The following CLVS1 variants were observed in gnomAD, a reference collection of about 807,000 sequenced individuals.
CLVS1 encodes the protein clavesin 1.
A neutral mutation model predicts 33.1 loss-of-function variants in CLVS1; 10 were observed. That is an observed-to-expected ratio of 0.30 (90% CI 0.19 to 0.51). The LOEUF (loss-of-function observed/expected upper bound fraction) is 0.51, where lower values mean the gene tolerates loss of function less well. Among genes scored for constraint, CLVS1 ranks in the 20% least tolerant of loss-of-function variants. CLVS1 has a pLI of 0.97. For synonymous variants in CLVS1, 163 were observed against 166.1 expected, an observed-to-expected ratio of 0.98 and a Z score of 0.14; for missense variants, 343 against 433.4, an observed-to-expected ratio of 0.79 and a Z score of 1.85.
upstream of CLVS1, among the ~76,000 whole-genome samples, chr8:61,052,430 G>A (rs1266734245): frequency 2.0e-5 from 3 of 152,320 alleles, no homozygotes; most frequent in African/African-American, 7.2e-5. Flanking sequence ...TGCAGGGTTA[G>A]ACAGGGAAAT....
chr8:61,233,463 C>T (rs897108891), intron 2 of CLVS1, among the ~76,000 whole-genome samples: 15 of 146,536 alleles, frequency 1.0e-4, no homozygotes, highest in Non-Finnish European at 1.5e-5. Flanking sequence ...AGAAAGAACC[C>T]GTAGCTTTTT....
intron 2 of CLVS1, among the ~76,000 whole-genome samples, chr8:61,356,591 A>G (rs931685154): frequency 1.3e-5 from 2 of 151,874 alleles, no homozygotes; most frequent in Admixed American, 6.6e-5. Flanking sequence ...TAATTTTTGT[A>G]TAAGGTGTAA....
chr8:61,051,825 C>T, the CLVS1 span, among the ~76,000 whole-genome samples: 1 of 152,272 alleles, frequency 6.6e-6, no homozygotes, highest in African/African-American at 2.4e-5. Context: ...CCCCCAACTG[C>T]AGCTGCCAGG....
At chr8:61,122,000 C>T (rs768563984) in intron 1 of CLVS1, among the ~76,000 whole-genome samples, 9 of 152,186 alleles carry the variant, frequency 5.9e-5, no homozygotes, top group Non-Finnish European at 1.2e-4. Context: ...AATCCACTGG[C>T]GCATTACAAT....
chr8:61,009,797 C>T, the CLVS1 span, among the ~76,000 whole-genome samples: 10 of 152,180 alleles, frequency 6.6e-5, no homozygotes, highest in Non-Finnish European at 1.0e-4. Context: ...TGTGTTTCAA[C>T]GCTGGCTTGT....
At chr8:61,349,583 T>G (rs1812364238) in intron 2 of CLVS1, among the ~76,000 whole-genome samples, 1 of 152,038 alleles carries the variant, frequency 6.6e-6, no homozygotes, top group African/African-American at 2.4e-5. Flanking sequence ...GTTTTTTTGT[T>G]TTTGTTTTTT....
At chr8:61,174,993 T>G (rs530442666) in intron 2 of CLVS1, among the ~76,000 whole-genome samples, 3 of 107,150 alleles carry the variant, frequency 2.8e-5, no homozygotes, top group East Asian at 4.6e-4. Context: ...TATTATCTTA[T>G]GTTTGAATTT....
chr8:61,330,059 C>G (rs931564246), intron 2 of CLVS1, among the ~76,000 whole-genome samples: 4 of 152,116 alleles, frequency 2.6e-5, no homozygotes, highest in Non-Finnish European at 5.9e-5. Context: ...ACCACTCTAC[C>G]TTTCTAGACA....
At chr8:61,221,217 T>A (rs1320255288) in intron 2 of CLVS1, among the ~76,000 whole-genome samples, 2 of 152,328 alleles carry the variant, frequency 1.3e-5, no homozygotes, top group East Asian at 3.9e-4. Flanking sequence ...CTTCCAATTC[T>A]ATGTTGAACA....
chr8:61,201,085 C>T (rs1468900659), intron 2 of CLVS1, among the ~76,000 whole-genome samples: 5 of 152,190 alleles, frequency 3.3e-5, no homozygotes, highest in Non-Finnish European at 7.3e-5. Context: ...GCCCCTATAA[C>T]TCACACACAC....
At chr8:61,283,232 C>T (rs1364559929), upstream of CLVS1, among the ~76,000 whole-genome samples, 4 of 152,244 alleles carry the variant, frequency 2.6e-5, no homozygotes, top group Admixed American at 2.0e-4. Context: ...GGTTATGCCA[C>T]CCTATTTGGT....
chr8:61,297,389 G>A (rs982007074), intron 1 of CLVS1, among the ~76,000 whole-genome samples: 2 of 152,104 alleles, frequency 1.3e-5, no homozygotes, highest in Non-Finnish European at 2.9e-5. Flanking sequence ...TCATGGGGAT[G>A]GAAATAACTG....
At chr8:61,068,056 T>C (rs1804715118) in intron 1 of CLVS1, among the ~76,000 whole-genome samples, 1 of 151,518 alleles carries the variant, frequency 6.6e-6, no homozygotes, top group African/African-American at 2.4e-5. Flanking sequence ...GTGTGGTGGC[T>C]AGCTCCTAGG....
chr8:61,259,021 C>T (rs553596750), intron 2 of CLVS1, among the ~76,000 whole-genome samples: 3 of 152,204 alleles, frequency 2.0e-5, no homozygotes, highest in African/African-American at 7.2e-5. Flanking sequence ...TTACAGATTC[C>T]TAAGTAAAGC....
At chr8:61,078,279 C>T (rs528783261) in intron 1 of CLVS1, among the ~76,000 whole-genome samples, 3 of 152,190 alleles carry the variant, frequency 2.0e-5, no homozygotes, top group Admixed American at 6.5e-5. Context: ...AGCGGAATTG[C>T]CCGCTTGTGT....
intron 1 of CLVS1, among the ~76,000 whole-genome samples, chr8:61,080,092 T>C (rs1013050116): frequency 2.0e-5 from 3 of 152,194 alleles, no homozygotes; most frequent in African/African-American, 7.2e-5. Flanking sequence ...GTAGCAAATA[T>C]CGTGAATATT....
intron 3 of CLVS1, among the ~76,000 whole-genome samples, chr8:61,387,145 T>C (rs575537069): frequency 1.3e-5 from 2 of 152,300 alleles, no homozygotes; most frequent in South Asian, 4.1e-4. Context: ...CCTAGCACTT[T>C]GGGAGGCCGA....
intron 1 of CLVS1, among the ~76,000 whole-genome samples, chr8:61,063,096 C>G (rs1804609826): frequency 6.6e-6 from 1 of 152,102 alleles, no homozygotes; most frequent in African/African-American, 2.4e-5. Flanking sequence ...TGCTCAAGGT[C>G]ACACAACTAG....
chr8:61,270,613 G>A (rs984196496), intron 2 of CLVS1, among the ~76,000 whole-genome samples: 1 of 152,138 alleles, frequency 6.6e-6, no homozygotes, highest in Non-Finnish European at 1.5e-5. Context: ...TTGTACCTCT[G>A]GTAGAATTCA....
Sources: gnomAD v4.1 joint callset for allele counts (sites outside exome capture counted in the v4.1 genomes callset) on GRCh38, gnomAD v4.1.1 for gene constraint, MANE v1.5 for transcripts, NCBI Gene and HGNC (gene_info 2026-07-23, HGNC 2026-07-21) for gene names.